IGHMBP2: variants seen among roughly 807,000 people sequenced by gnomAD.
The protein encoded by IGHMBP2 is DNA-binding protein SMUBP-2.
IGHMBP2 carries 81 observed loss-of-function variants against 96.0 expected under a neutral mutation model. The ratio of observed to expected loss-of-function variants is 0.84; its 90% CI spans 0.71 to 1.01. IGHMBP2 has a LOEUF of 1.01. IGHMBP2 is among the 50% of genes least tolerant of loss of function. The pLI, the probability that IGHMBP2 is intolerant of heterozygous loss-of-function variation, is 0.00. For missense variants in IGHMBP2, 1,227 were observed against 1,306.3 expected (o/e 0.94, Z 0.94); for synonymous variants, 557 against 548.9 (o/e 1.01, Z -0.21).
chr11:68,924,642 C>G (rs1858997713), intron 7 of IGHMBP2, among the ~76,000 whole-genome samples: 1 of 152,244 alleles, frequency 6.6e-6, no homozygotes, highest in Non-Finnish European at 1.5e-5. Flanking sequence ...GCCAACATGG[C>G]TGCTTGCTTC....
chr11:68,931,234 C>A (rs925501622), intron 8 of IGHMBP2, among the ~76,000 whole-genome samples: 1 of 152,168 alleles, frequency 6.6e-6, no homozygotes, highest in Admixed American at 6.5e-5. Context: ...ACACCCATGA[C>A]CCTGCAGGGA....
Position 68,906,149 on chromosome 11 carries a change from G to A in IGHMBP2, c.167G>A (p.Arg56His), listed in dbSNP as rs571887680. ...CLLKLQVSSQ[R>H]TGLYGRLLVT... ...CTGAAGCTGCAGGTATCCAGCCAGCGCACTGGGCTGTACGGACGGCTGCTG... is the reference window on the plus strand; with the variant it reads ...CTGAAGCTGCAGGTATCCAGCCAGCACACTGGGCTGTACGGACGGCTGCTG... Residue 56 changes from arginine (R) to histidine (H), a missense_variant, in exon 2 of 15, where the codon CGC becomes CAC. This residue lies in a region of IGHMBP2 where 507 missense variants were observed against 496.9 expected (regional missense o/e 1.02). Transcript: ENST00000255078. 25 of 1,614,050 alleles carry A rather than the reference G, an allele frequency of 1.5e-5. No individual in the cohort carries two copies. The highest frequency in any genetic ancestry group is 1.3e-4 in the South Asian group (12 of 91,086).
intron 7 of IGHMBP2, among the ~76,000 whole-genome samples, chr11:68,919,487 C>G (rs1434647188): frequency 6.6e-6 from 1 of 152,244 alleles, no homozygotes; most frequent in Non-Finnish European, 1.5e-5. Context: ...AGGACATACT[C>G]TCATGACTTG....
chr11:68,906,179 C>T lies in IGHMBP2; in HGVS notation c.197C>T (p.Thr66Ile). Residue 66 changes from threonine (T) to isoleucine (I), a missense_variant, in exon 2 of 15, where the codon ACC (threonine) becomes ATC (isoleucine). Transcript: ENST00000255078. ...GGGCTGTACGGACGGCTGCTGGTCA[C>T]CTTTGAGCCCAGGCGATACGGGTCC... ...RTGLYGRLLVTFEPRRYGSAA... is the reference protein window; with the variant it reads ...RTGLYGRLLVIFEPRRYGSAA... 6.2e-7 allele frequency: 1 copy of T among 1,614,158 alleles called. No individual in the cohort carries two copies.
At position 68,934,567 on chromosome 11, in the gene IGHMBP2, G is replaced by T; in HGVS notation, c.1632+9G>T. ...CGCCATACAACCTCCAGGTACGAGGGTTTCCTTTTGTCCCTCTACAGAGCA... is the reference window on the plus strand; with the variant it reads ...CGCCATACAACCTCCAGGTACGAGGTTTTCCTTTTGTCCCTCTACAGAGCA... On this transcript the variant is annotated intron_variant, in intron 11 of 14. Coordinates refer to ENST00000255078, the MANE Select transcript of IGHMBP2 (RefSeq NM_002180.3). The T allele has an allele frequency of 1.3e-6, 2 of 1,593,662 alleles. No individual in the cohort carries two copies. The highest frequency in any genetic ancestry group is 1.3e-5 in the African/African-American group (1 of 74,586).
intron 5 of IGHMBP2, among the ~76,000 whole-genome samples, chr11:68,913,062 A>C (rs916713543): frequency 1.3e-5 from 2 of 149,614 alleles, no homozygotes; most frequent in East Asian, 1.9e-4. Context: ...AAAAAAAAAA[A>C]AAAAAACCAA....
chr11:68,903,914 C>G lies in IGHMBP2; in HGVS notation c.-39C>G, dbSNP rs964798823. On this transcript the variant is annotated 5_prime_UTR_variant, in exon 1 of 15. Coordinates refer to ENST00000255078, the MANE Select transcript of IGHMBP2 (RefSeq NM_002180.3). ...CTGTAACACCGGCCCGGCGCAGAAGCGGGACGTCGGCTTCTAGGGGCCCAG... is the reference window on the plus strand; with the variant it reads ...CTGTAACACCGGCCCGGCGCAGAAGGGGGACGTCGGCTTCTAGGGGCCCAG... 333 of 1,602,252 alleles carry G rather than the reference C, an allele frequency of 2.1e-4. 2 individuals carry two copies. In the South Asian group the frequency reaches 3.3e-3, roughly 16 times the overall value.
rs368706911 is a variant in IGHMBP2, at chr11:68,906,111, A to G, written c.129A>G (p.Arg43=). The G allele has an allele frequency of 1.2e-6, 2 of 1,614,040 alleles. No homozygotes were observed. The highest frequency in any genetic ancestry group is 2.7e-5 in the African/African-American group (2 of 74,918). Residue 43 remains arginine (R), a synonymous_variant, in exon 2 of 15, where the codon CGA becomes CGG. Coordinates refer to ENST00000255078, the MANE Select transcript of IGHMBP2 (RefSeq NM_002180.3). The part of the protein sequence containing the change: ...ENISLKELQS[R]GVCLLKLQVS... ...TCTCTCTGAAAGAGCTCCAGAGCCG[A>G]GGCGTGTGTTTGCTGAAGCTGCAGG...
rs998449970 is a variant in IGHMBP2 at position 68,937,071 on chromosome 11, A to G, written c.2591A>G (p.Lys864Arg). Residue 864 changes from lysine to arginine, a missense_variant, in exon 13 of 15, where the codon AAG (lysine) becomes AGG (arginine). Transcript: ENST00000255078. ...QASGQQKLPE[K>R]KKKKAKGHPA... ...TCAGGGCAGCAGAAACTTCCAGAAAAGAAAAAGAAAAAAGCCAAAGGTAAG... is the reference window on the plus strand; with the variant it reads ...TCAGGGCAGCAGAAACTTCCAGAAAGGAAAAAGAAAAAAGCCAAAGGTAAG... 1 of 1,599,544 alleles carries G rather than the reference A, an allele frequency of 6.3e-7. No individual in the cohort carries two copies. The highest frequency in any genetic ancestry group is 8.5e-7 in the Non-Finnish European group (1 of 1,179,840).
intron 7 of IGHMBP2, among the ~76,000 whole-genome samples, chr11:68,918,229 GATA>G (rs1251669028): frequency 6.6e-6 from 1 of 151,628 alleles, no homozygotes; most frequent in Non-Finnish European, 1.5e-5. Context: ...GATCTGTCAT[GATA>G]TAACCTGTAT....
chr11:68,915,166 C>CCTTTTTTTTTTTTTTTTTTTT (rs1191505010), intron 6 of IGHMBP2, 143 bp downstream of exon 6: 1 of 176,576 alleles, frequency 5.7e-6, no homozygotes, highest in African/African-American at 5.6e-5. Context: ...TTGGGCTGCC[C>CCTTTTTTTTTTTTTTTTTTTT]TTTTTTTTTT....
At chr11:68,938,505 C>T (rs1859640261) in intron 14 of IGHMBP2, 151 bp downstream of exon 14, 1 of 706,366 alleles carries the variant, frequency 1.4e-6, no homozygotes, top group Admixed American at 2.8e-5. Flanking sequence ...CAGACACTGA[C>T]TCATGATCGG....
At chr11:68,913,570 A>C (rs1302770490) in intron 5 of IGHMBP2, among the ~76,000 whole-genome samples, 1 of 151,900 alleles carries the variant, frequency 6.6e-6, no homozygotes, top group Non-Finnish European at 1.5e-5. Context: ...TGGCCTCCCA[A>C]AGTGCTGGGA....
At chr11:68,910,343 G>A (rs892774436) in intron 4 of IGHMBP2, among the ~76,000 whole-genome samples, 1 of 152,214 alleles carries the variant, frequency 6.6e-6, no homozygotes, top group Non-Finnish European at 1.5e-5. Flanking sequence ...TGTATTTACT[G>A]TGTCTTAGGG....
chr11:68,930,089 C>G (rs1335498361), intron 8 of IGHMBP2: 14 of 1,178,850 alleles, frequency 1.2e-5, no homozygotes, highest in Non-Finnish European at 1.3e-5. Context: ...CGTGCCCTCT[C>G]TCCAGATGAA....
intron 7 of IGHMBP2, among the ~76,000 whole-genome samples, chr11:68,920,407 CTTTCAACTAGTG>C (rs1391524609): frequency 6.6e-6 from 1 of 152,216 alleles, no homozygotes; most frequent in Non-Finnish European, 1.5e-5. Context: ...CCCCACCTTT[CTTTCAACTAGTG>C]TTAGTGTGAT....
chr11:68,935,438 C>T lies in IGHMBP2; in HGVS notation c.1756+16C>T. 2 of 1,613,804 alleles carry T rather than the reference C, an allele frequency of 1.2e-6. No homozygotes were observed. The highest frequency in any genetic ancestry group is 1.7e-6 in the Non-Finnish European group (2 of 1,180,002). ...AACAGGAAAGGTACGGAGCCCTCGC[C>T]AGAGTCCTTTGGGGACAGCACAGAA... is the stretch of plus-strand genomic sequence containing the variant. On this transcript the variant is annotated intron_variant, in intron 12 of 14. Coordinates refer to ENST00000255078, the MANE Select transcript of IGHMBP2 (RefSeq NM_002180.3).
chr11:68,906,305 G>A (rs192847221), intron 2 of IGHMBP2, 67 bp downstream of exon 2: 230 of 1,510,320 alleles, frequency 1.5e-4, no homozygotes, highest in Admixed American at 1.7e-4. Context: ...TTGTACCCTC[G>A]TAAAGACTGG....
At chr11:68,923,871 A>G (rs925037233) in intron 7 of IGHMBP2, among the ~76,000 whole-genome samples, 1 of 152,114 alleles carries the variant, frequency 6.6e-6, no homozygotes, top group Non-Finnish European at 1.5e-5. Flanking sequence ...TCTGTGTAGC[A>G]GTCTCTTTGG....
Sources: allele counts gnomAD v4.1 joint callset (sites outside exome capture counted in the v4.1 genomes callset), GRCh38; gene constraint gnomAD v4.1.1; regional missense constraint gnomAD v4.1.1; transcripts MANE v1.5; gene names NCBI Gene and HGNC (gene_info 2026-07-23, HGNC 2026-07-21).